TEX10: variants seen among roughly 807,000 people sequenced by gnomAD.
TEX10 encodes the protein testis expressed 10.
Under a neutral mutation model 104.4 loss-of-function variants are expected in TEX10, and 24 were observed. The ratio of observed to expected loss-of-function variants is 0.23; its 90% CI spans 0.17 to 0.32. The LOEUF (loss-of-function observed/expected upper bound fraction) is 0.32. TEX10 is among the 10% of genes least tolerant of loss of function. The pLI, the probability that TEX10 is intolerant of heterozygous loss-of-function variation, is 1.00. For missense variants in TEX10, 921 were observed against 1,083.9 expected, an observed-to-expected ratio of 0.85 and a Z score of 2.11; for synonymous variants, 396 against 393.4, an observed-to-expected ratio of 1.01 and a Z score of -0.08.
At chr9:100,322,161 A>C (rs1205469510) in intron 9 of TEX10, among the ~76,000 whole-genome samples, 2 of 152,208 alleles carry the variant, frequency 1.3e-5, no homozygotes, top group Non-Finnish European at 2.9e-5. Context: ...GTTATGTTTA[A>C]ACAAGCTTCA....
chr9:100,334,349 T>C (rs1211953688), intron 5 of TEX10, among the ~76,000 whole-genome samples: 1 of 151,928 alleles, frequency 6.6e-6, no homozygotes, highest in African/African-American at 2.4e-5. Flanking sequence ...CACAGTAAAA[T>C]ATTATTGTCA....
intron 4 of TEX10, among the ~76,000 whole-genome samples, chr9:100,345,605 C>T (rs1173916407): frequency 1.3e-5 from 2 of 152,182 alleles, no homozygotes; most frequent in African/African-American, 4.8e-5. Flanking sequence ...CTATGCACTA[C>T]ATTCACTATA....
intron 5 of TEX10, among the ~76,000 whole-genome samples, chr9:100,339,695 T>C (rs1835122894): frequency 6.6e-6 from 1 of 152,186 alleles, no homozygotes; most frequent in South Asian, 2.1e-4. Context: ...TACCTGCTTG[T>C]CAAATTTTAT....
Position 100,329,781 on chromosome 9 carries a change from T to C in TEX10, c.1489+150A>G, listed in dbSNP as rs1401139456. 7 of 694,024 alleles carry C rather than the reference T, an allele frequency of 1.0e-5. No individual in the cohort carries two copies. In the East Asian group the frequency reaches 1.7e-4, roughly 17 times the overall value. 43.0% of individuals were successfully genotyped at this position (694,024 alleles called of 1,614,324 possible). ...TACTCTGAGCCATAAACAATTTCAG[T>C]GTTCAAGTAGACAGTAGCTACCTTT... On this transcript the variant is annotated intron_variant, in intron 6 of 14. Transcript: ENST00000374902.
chr9:100,349,220 T>G lies in TEX10; in HGVS notation c.144A>C (p.Gly48=), dbSNP rs768279357. 7.0e-6 allele frequency: 11 copies of G among 1,570,780 alleles called. No individual in the cohort carries two copies. Among genetic ancestry groups the G allele is most frequent in the Non-Finnish European group, 9.4e-6 (11 of 1,165,204 alleles). ...IHLPEQLKED[G]TLPTNNRKLN... ...GTTTTCTATTGTTTGTTGGAAGTGTTCCATCCTCTTTGAGTTGCTCAGGCA... is the reference window on the plus strand; with the variant it reads ...GTTTTCTATTGTTTGTTGGAAGTGTGCCATCCTCTTTGAGTTGCTCAGGCA... The change falls in exon 2 of 15, where the codon GGA becomes GGC. Residue 48 remains glycine (G), a synonymous_variant. Transcript: ENST00000374902.
In TEX10 at chr9:100,303,833, C is replaced by A; in HGVS notation, c.2475G>T (p.Leu825=). 4 of 1,613,902 alleles carry A rather than the reference C, an allele frequency of 2.5e-6. No homozygotes were observed. The highest frequency in any genetic ancestry group is 2.5e-6 in the Non-Finnish European group (3 of 1,179,992). ...EAEHLRKRDK[L]WGVCVSILAL... is the part of the protein sequence containing the mutation. ...CCAGGATGGAGACACAGACCCCCCA[C>A]AGCTTGTCCCTACAATAACAGAGAC... The change falls in exon 14 of 15, where the codon CTG becomes CTT. Residue 825 remains leucine, a synonymous_variant. Transcript: ENST00000374902.
chr9:100,325,249 A>G (rs930978892), intron 9 of TEX10, among the ~76,000 whole-genome samples: 1 of 152,224 alleles, frequency 6.6e-6, no homozygotes, highest in African/African-American at 2.4e-5. Flanking sequence ...GCCTAAAACC[A>G]CATCAGACCC....
At chr9:100,324,678 A>G (rs112668835) in intron 9 of TEX10, among the ~76,000 whole-genome samples, 3 of 152,252 alleles carry the variant, frequency 2.0e-5, no homozygotes, top group African/African-American at 7.2e-5. Context: ...GTTATTAAAC[A>G]TAAGTGAACA....
At chr9:100,311,632 A>G (rs1329247293) in intron 11 of TEX10, among the ~76,000 whole-genome samples, 1 of 152,244 alleles carries the variant, frequency 6.6e-6, no homozygotes, top group Non-Finnish European at 1.5e-5. Context: ...GTTCAATTTA[A>G]TCATAACACT....
At chr9:100,345,609 C>T (rs1008329512) in intron 4 of TEX10, among the ~76,000 whole-genome samples, 2 of 152,316 alleles carry the variant, frequency 1.3e-5, no homozygotes, top group Admixed American at 1.3e-4. Context: ...GCACTACATT[C>T]ACTATAGCAC....
chr9:100,309,211 A>G (rs1020462755), intron 12 of TEX10, among the ~76,000 whole-genome samples: 2 of 152,192 alleles, frequency 1.3e-5, no homozygotes, highest in East Asian at 1.9e-4. Flanking sequence ...AGATATTACT[A>G]TAGTTAACAT....
rs1834788713 is a variant in TEX10, at chr9:100,329,241, T to C, written c.1524A>G (p.Thr508=). Residue 508 remains threonine, a synonymous_variant, in exon 7 of 15, where the codon ACA becomes ACG. Coordinates refer to ENST00000374902, the MANE Select transcript of TEX10 (RefSeq NM_017746.4). ...GGATAAGGCCCCTCTGCTGATATAATGTATAAACTGCCTTAATAAGAGTCT... is the reference window on the plus strand; with the variant it reads ...GGATAAGGCCCCTCTGCTGATATAACGTATAAACTGCCTTAATAAGAGTCT... The part of the protein sequence containing the change: ...DTETLIKAVY[T]LYQQRGLILP... 1 of 1,608,892 alleles carries C rather than the reference T, an allele frequency of 6.2e-7. No individual in the cohort carries two copies. The highest frequency in any genetic ancestry group is 8.5e-7 in the Non-Finnish European group (1 of 1,178,958).
At chr9:100,348,112 G>A (rs1835347277) in intron 2 of TEX10, among the ~76,000 whole-genome samples, 1 of 152,206 alleles carries the variant, frequency 6.6e-6, no homozygotes, top group Admixed American at 6.5e-5. Context: ...TATGCTACAA[G>A]CTACATACAA....
intron 2 of TEX10, among the ~76,000 whole-genome samples, chr9:100,348,313 G>A (rs571116293): frequency 6.6e-5 from 10 of 152,312 alleles, no homozygotes; most frequent in African/African-American, 2.2e-4. Flanking sequence ...TTCTTGGAGT[G>A]ATAAAAACGT....
intron 1 of TEX10, chr9:100,352,479 C>A: frequency 1.3e-6 from 2 of 1,551,316 alleles, no homozygotes; most frequent in Non-Finnish European, 1.7e-6. Flanking sequence ...GGACCAGAGT[C>A]GGGGAAGTGG....
chr9:100,321,380 T>C (rs1344221228), intron 10 of TEX10, among the ~76,000 whole-genome samples: 2 of 152,154 alleles, frequency 1.3e-5, no homozygotes, highest in Admixed American at 6.5e-5. Flanking sequence ...AAAATAATAG[T>C]AGTAGTACAT....
chr9:100,304,043 G>A (rs1256432436), intron 13 of TEX10: 6 of 587,502 alleles, frequency 1.0e-5, no homozygotes, highest in African/African-American at 1.9e-5. Flanking sequence ...TCTAACCAAG[G>A]AGGTGAAAGA....
At chr9:100,328,805 A>G (rs1834773926) in intron 7 of TEX10, among the ~76,000 whole-genome samples, 2 of 152,180 alleles carry the variant, frequency 1.3e-5, no homozygotes, top group South Asian at 4.1e-4. Flanking sequence ...CATATGCCTC[A>G]ATATGTCACT....
At chr9:100,345,568 G>A (rs1263254770) in intron 4 of TEX10, among the ~76,000 whole-genome samples, 1 of 152,000 alleles carries the variant, frequency 6.6e-6, no homozygotes, top group African/African-American at 2.4e-5. Context: ...GTTCCTCCTT[G>A]GTTGCAAAGG....
Sources: allele counts gnomAD v4.1 joint callset (sites outside exome capture counted in the v4.1 genomes callset), GRCh38; gene constraint gnomAD v4.1.1; transcripts MANE v1.5; gene names NCBI Gene and HGNC (gene_info 2026-07-23, HGNC 2026-07-21).